Variants in DENND2C observed in about 807,000 individuals in gnomAD.
DENND2C encodes DENN domain-containing protein 2C.
In DENND2C, 72 loss-of-function variants were observed where a neutral mutation model predicts 112.4. The observed-to-expected ratio is 0.64, with a 90% CI of 0.53 to 0.78. The LOEUF is 0.78. Among genes scored for constraint, DENND2C ranks in the 30% least tolerant of loss-of-function variants. The probability of loss-of-function intolerance (pLI) is 0.00; values close to 1 mark genes in which losing one functional copy is unlikely to be tolerated. For missense variants in DENND2C, 992 were observed against 1,113.8 expected (o/e 0.89, Z 1.56); for synonymous variants, 329 against 381.6 (o/e 0.86, Z 1.61).
At chr1:114,613,254 A>G (rs556953746) in intron 8 of DENND2C, among the ~76,000 whole-genome samples, 1 of 152,220 alleles carries the variant, frequency 6.6e-6, no homozygotes, top group African/African-American at 2.4e-5. Context: ...AAGCTTTTTT[A>G]AAAAGGCAGG....
At chr1:114,603,435 A>ATT (rs1052244617) in intron 11 of DENND2C, among the ~76,000 whole-genome samples, 3 of 144,650 alleles carry the variant, frequency 2.1e-5, no homozygotes, top group African/African-American at 5.1e-5. Flanking sequence ...GCCAAGTCCA[A>ATT]TTTTTTTTTT....
chr1:114,617,939 C>A (rs1353783840), intron 8 of DENND2C, among the ~76,000 whole-genome samples: 1 of 151,480 alleles, frequency 6.6e-6, no homozygotes, highest in Non-Finnish European at 1.5e-5. Flanking sequence ...GAAACAATCC[C>A]TTATCTTAAA....
intron 3 of DENND2C, among the ~76,000 whole-genome samples, chr1:114,627,893 G>A (rs955107729): frequency 3.3e-5 from 5 of 151,910 alleles, no homozygotes; most frequent in African/African-American, 1.2e-4. Context: ...GGTTTTTGGT[G>A]GTCCTGGTTA....
intron 1 of DENND2C, among the ~76,000 whole-genome samples, chr1:114,660,395 G>A (rs1213079327): frequency 6.6e-6 from 1 of 152,170 alleles, no homozygotes; most frequent in Non-Finnish European, 1.5e-5. Flanking sequence ...TGGACAGTAT[G>A]TTCACCCACA....
intron 9 of DENND2C, 121 bp from the exon 10 acceptor site, chr1:114,608,994 T>G (rs998490207): frequency 7.3e-6 from 8 of 1,099,430 alleles, no homozygotes; most frequent in Non-Finnish European, 1.1e-5. Flanking sequence ...GAATGTTGAA[T>G]AACCAGCATC....
chr1:114,623,585 G>T lies in DENND2C; in HGVS notation c.865C>A (p.Arg289Ser). The change falls in exon 5 of 21, where the codon CGT becomes AGT. Residue 289 changes from arginine to serine, a missense_variant. Around this residue, in one of 3 missense-constraint regions of DENND2C, gnomAD observed 470 missense variants for 472.7 expected, o/e 0.99. Transcript: ENST00000393274. ...CCAGAATTTCTTCCAAGTTCTTCACGAATCGTCTGTGAGTTCCGATTTCGA... is the reference window on the plus strand; with the variant it reads ...CCAGAATTTCTTCCAAGTTCTTCACTAATCGTCTGTGAGTTCCGATTTCGA... Reference protein sequence around the residue: ...HFRNRNSQTIREELGRNSGSA... With the variant: ...HFRNRNSQTISEELGRNSGSA... 6.2e-7 allele frequency: 1 copy of T among 1,609,446 alleles called. No homozygotes were observed. Among genetic ancestry groups the T allele is most frequent in the Non-Finnish European group, 8.5e-7 (1 of 1,177,868 alleles).
intron 7 of DENND2C, among the ~76,000 whole-genome samples, chr1:114,620,503 G>A (rs945209755): frequency 6.6e-6 from 1 of 152,090 alleles, no homozygotes; most frequent in Non-Finnish European, 1.5e-5. Flanking sequence ...CTAAATATTT[G>A]TTAATGCCAT....
At chr1:114,647,951 G>A (rs954432438) in intron 2 of DENND2C, among the ~76,000 whole-genome samples, 1 of 152,082 alleles carries the variant, frequency 6.6e-6, no homozygotes, top group East Asian at 1.9e-4. Flanking sequence ...GAGATTACAG[G>A]TGCCCTCCAC....
chr1:114,647,552 T>C (rs1473410177), intron 2 of DENND2C, among the ~76,000 whole-genome samples: 2 of 152,068 alleles, frequency 1.3e-5, no homozygotes, highest in Non-Finnish European at 2.9e-5. Flanking sequence ...CATTAGGTAA[T>C]GTTTGTGAAA....
intron 6 of DENND2C, 126 bp from the exon 7 acceptor site, chr1:114,622,191 G>T: frequency 2.0e-6 from 2 of 980,302 alleles, no homozygotes; most frequent in Non-Finnish European, 2.9e-6. Flanking sequence ...ATGGCTCATT[G>T]CAGCCTTGAT....
At chr1:114,636,101 C>T (rs1300472130) in intron 3 of DENND2C, among the ~76,000 whole-genome samples, 1 of 151,224 alleles carries the variant, frequency 6.6e-6, no homozygotes, top group East Asian at 1.9e-4. Flanking sequence ...TACCAGAATG[C>T]AAGGTTGCTT....
At chr1:114,611,289 G>A (rs1655808979) in intron 8 of DENND2C, among the ~76,000 whole-genome samples, 172 bp from the exon 9 acceptor site, 1 of 152,144 alleles carries the variant, frequency 6.6e-6, no homozygotes. Flanking sequence ...CCAAAAGAGA[G>A]TAAAAAGCTC....
intron 1 of DENND2C, among the ~76,000 whole-genome samples, chr1:114,664,816 GGT>G (rs1313684141): frequency 6.6e-6 from 1 of 151,104 alleles, no homozygotes; most frequent in East Asian, 2.0e-4. Context: ...GGTCAGGCCG[GGT>G]GTGGTGGCTC....
intron 1 of DENND2C, among the ~76,000 whole-genome samples, chr1:114,659,101 C>G (rs929884452): frequency 6.6e-6 from 1 of 152,130 alleles, no homozygotes; most frequent in African/African-American, 2.4e-5. Flanking sequence ...TTTCAGGTTT[C>G]TCTTCAGGAA....
At chr1:114,610,795 A>G (rs921697368) in intron 9 of DENND2C, among the ~76,000 whole-genome samples, 2 of 152,166 alleles carry the variant, frequency 1.3e-5, no homozygotes, top group African/African-American at 4.8e-5. Flanking sequence ...ATGTCTGGAC[A>G]TGCAGCTCTC....
intron 4 of DENND2C, among the ~76,000 whole-genome samples, chr1:114,624,462 TTTTTTC>T (rs1214694188): frequency 5.9e-5 from 6 of 102,438 alleles, no homozygotes; most frequent in Non-Finnish European, 1.2e-4. Flanking sequence ...TAATTTTTTC[TTTTTTC>T]TTTTTTTTTA....
At chr1:114,615,431 A>G (rs987908627) in intron 8 of DENND2C, among the ~76,000 whole-genome samples, 105 of 152,356 alleles carry the variant, frequency 6.9e-4, no homozygotes, top group African/African-American at 2.2e-3. Flanking sequence ...ATTCAAATCT[A>G]TGCTTCCTCC....
Position 114,585,443 on chromosome 1 carries a change from C to T in DENND2C, c.*157G>A, listed in dbSNP as rs2101635707. 2 of 700,312 alleles carry T rather than the reference C, an allele frequency of 2.9e-6. No homozygotes were observed. The highest frequency in any genetic ancestry group is 2.7e-5 in the East Asian group (1 of 36,950). 43.4% of individuals were successfully genotyped at this position (700,312 alleles called of 1,614,324 possible). ...AACAATTCTCCAGTGATTACTACAG[C>T]AGCAACAGGAGAATCCTCCTCTAAC... On this transcript the variant is annotated 3_prime_UTR_variant, in exon 21 of 21. Transcript: ENST00000393274.
At chr1:114,647,783 C>T (rs997361121) in intron 2 of DENND2C, among the ~76,000 whole-genome samples, 1 of 151,928 alleles carries the variant, frequency 6.6e-6, no homozygotes, top group Admixed American at 6.6e-5. Flanking sequence ...AGGCACCATG[C>T]TATGTATCTA....
Sources: allele counts gnomAD v4.1 joint callset (sites outside exome capture counted in the v4.1 genomes callset), GRCh38; gene constraint gnomAD v4.1.1; regional missense constraint gnomAD v4.1.1; transcripts MANE v1.5; gene names NCBI Gene and HGNC (gene_info 2026-07-23, HGNC 2026-07-21).